The following AKNA variants were observed in gnomAD, a reference collection of about 807,000 sequenced individuals.
AKNA encodes AT-hook transcription factor, also known as microtubule organization protein AKNA.
A neutral mutation model predicts 138.8 loss-of-function variants in AKNA; 67 were observed. The ratio of observed to expected loss-of-function variants is 0.48; its 90% CI spans 0.40 to 0.59. The LOEUF is 0.59. AKNA is among the 20% of genes least tolerant of loss of function. The pLI, the probability that AKNA is intolerant of heterozygous loss-of-function variation, is 0.00. For synonymous variants in AKNA, 737 were observed against 754.4 expected (o/e 0.98, Z 0.38); for missense variants, 1,813 against 1,880.4 (o/e 0.96, Z 0.66).
intron 1 of AKNA, among the ~76,000 whole-genome samples, chr9:114,386,625 G>A (rs1834051627): frequency 6.6e-6 from 1 of 152,136 alleles, no homozygotes; most frequent in Non-Finnish European, 1.5e-5. Context: ...CCACAAGGAA[G>A]TAGCAGCCAC....
At chr9:114,330,520 T>C, downstream of AKNA, 1 of 1,612,130 alleles carries the variant, frequency 6.2e-7, no homozygotes, top group East Asian at 2.2e-5. Flanking sequence ...CAACCTTCTT[T>C]TACTTTACCC....
intron 4 of AKNA, among the ~76,000 whole-genome samples, chr9:114,370,463 T>A (rs1433108765): frequency 6.6e-6 from 1 of 152,002 alleles, no homozygotes; most frequent in African/African-American, 2.4e-5. Context: ...CAGGGACCGA[T>A]AAGGAGTTTG....
chr9:114,343,293 G>A, intron 19 of AKNA, among the ~76,000 whole-genome samples: 1 of 152,174 alleles, frequency 6.6e-6, no homozygotes, highest in Admixed American at 6.5e-5. Flanking sequence ...CAAGGAACTG[G>A]CCTAAGGTCA....
At chr9:114,369,704 T>A (rs957946116) in intron 4 of AKNA, among the ~76,000 whole-genome samples, 24 of 150,138 alleles carry the variant, frequency 1.6e-4, no homozygotes, top group African/African-American at 4.5e-4. Context: ...ATCATCACCA[T>A]CAGCATCATC....
chr9:114,342,163 TC>T, intron 19 of AKNA, 38 bp from the exon 20 acceptor site: 1 of 1,455,052 alleles, frequency 6.9e-7, no homozygotes, highest in Non-Finnish European at 9.3e-7. Context: ...GAGGATTACA[TC>T]TAAATCATCA....
rs138817176 is a variant in AKNA, at chr9:114,362,347, T to C, written c.1916+59A>G. 2.1e-4 allele frequency: 330 copies of C among 1,543,772 alleles called. 1 individual carries two copies. The East Asian group carries it at 7.3e-3, about 34-fold the overall frequency. ...GACAAAGTGCCTCCCTCCTGGAGAC[T>C]GAGGGACCCCAGGGGCCCATCCCAT... On this transcript the variant is annotated intron_variant, in intron 8 of 21. Coordinates refer to ENST00000374088, the MANE Select transcript of AKNA (RefSeq NM_001317950.2).
chr9:114,394,606 C>G (rs113947204), upstream of AKNA, among the ~76,000 whole-genome samples: 3 of 152,328 alleles, frequency 2.0e-5, no homozygotes, highest in African/African-American at 7.2e-5. Context: ...CAATCAGCGC[C>G]CAGCCTCAGC....
At chr9:114,395,529 T>C (rs1834505090), upstream of AKNA, among the ~76,000 whole-genome samples, 1 of 152,052 alleles carries the variant, frequency 6.6e-6, no homozygotes, top group Non-Finnish European at 1.5e-5. Flanking sequence ...CAGGGGCTGC[T>C]GCACTGCATA....
upstream of AKNA, among the ~76,000 whole-genome samples, chr9:114,396,374 T>C (rs117465835): frequency 6.2e-4 from 94 of 152,290 alleles, no homozygotes; most frequent in East Asian, 0.014. Flanking sequence ...GCCACCTCAC[T>C]CAAGCCTTAA....
At chr9:114,362,046 G>T (rs1832009506) in intron 8 of AKNA, 135 bp from the exon 9 acceptor site, 2 of 922,310 alleles carry the variant, frequency 2.2e-6, no homozygotes, top group Non-Finnish European at 3.2e-6. Flanking sequence ...TTAGATGATG[G>T]TGAGAACTCA....
intron 4 of AKNA, among the ~76,000 whole-genome samples, chr9:114,370,821 T>C (rs935032219): frequency 2.0e-5 from 3 of 152,070 alleles, no homozygotes; most frequent in Non-Finnish European, 1.5e-5. Flanking sequence ...GAGAGGAAGA[T>C]GTTTCCCCAA....
upstream of AKNA, among the ~76,000 whole-genome samples, chr9:114,397,266 C>G (rs1325211457): frequency 6.6e-6 from 1 of 152,226 alleles, no homozygotes; most frequent in Non-Finnish European, 1.5e-5. Context: ...TAGGCCCTCT[C>G]TAACAGATGG....
At chr9:114,391,870 A>AC (rs1256602328), upstream of AKNA, among the ~76,000 whole-genome samples, 28 of 149,800 alleles carry the variant, frequency 1.9e-4, 3 homozygotes, top group Admixed American at 1.6e-3. Flanking sequence ...AAAAAAAAAA[A>AC]AAAACACCAA....
At chr9:114,371,524 C>T (rs1832766441) in intron 4 of AKNA, among the ~76,000 whole-genome samples, 1 of 152,242 alleles carries the variant, frequency 6.6e-6, no homozygotes, top group Admixed American at 6.5e-5. Context: ...AAAGAAACAC[C>T]TGTTCTGGAA....
downstream of AKNA, chr9:114,330,844 G>T: frequency 6.2e-7 from 1 of 1,613,932 alleles, no homozygotes; most frequent in Non-Finnish European, 8.5e-7. Context: ...GCGGGAGAAT[G>T]GGACCGTCTC....
intron 3 of AKNA, 64 bp downstream of exon 3, chr9:114,376,402 T>A: frequency 1.5e-6 from 2 of 1,342,654 alleles, no homozygotes; most frequent in Non-Finnish European, 1.0e-6. Context: ...CCCACCCCAA[T>A]TAGCCTCCAC....
intron 21 of AKNA, among the ~76,000 whole-genome samples, chr9:114,340,937 G>A (rs1187340722): frequency 6.6e-6 from 1 of 152,196 alleles, no homozygotes; most frequent in African/African-American, 2.4e-5. Flanking sequence ...TGGGATCCTG[G>A]AACAGAGACA....
intron 15 of AKNA, among the ~76,000 whole-genome samples, chr9:114,349,872 G>T (rs1830982296): frequency 6.6e-6 from 1 of 152,186 alleles, no homozygotes; most frequent in South Asian, 2.1e-4. Context: ...CTCCACTGAA[G>T]ATACTCTTCT....
Position 114,380,816 on chromosome 9 carries a change from AAAG to A in AKNA, c.274+241_274+243del, listed in dbSNP as rs1260791704. 7.7e-5 allele frequency among the ~76,000 whole-genome samples: 9 copies of A among 116,742 alleles called. 1 individual carries two copies. The highest frequency in any genetic ancestry group is 9.4e-5 in the Admixed American group (1 of 10,588). 76.6% of individuals were successfully genotyped at this position (116,742 alleles called of 152,430 possible). A position where few individuals can be genotyped will look rare whatever the true frequency, so the allele number is the denominator to read the frequency against. On this transcript the variant is annotated intron_variant, in intron 2 of 21. Transcript: ENST00000374088. ...TGGTGAAACCCCGTCTCTACTAAAA[AAAG>A]AAAAAAAAAAAAATACAACCGGGCA...
Sources: allele counts gnomAD v4.1 joint callset (sites outside exome capture counted in the v4.1 genomes callset), GRCh38; gene constraint gnomAD v4.1.1; transcripts MANE v1.5; gene names NCBI Gene and HGNC (gene_info 2026-07-23, HGNC 2026-07-21).